GTF2F2: variants seen among roughly 807,000 people sequenced by gnomAD.
The protein encoded by GTF2F2 is general transcription factor IIF subunit 2, also known as ATP-dependent helicase GTF2F2.
In GTF2F2, 23 loss-of-function variants were observed where a neutral mutation model predicts 42.2. The ratio of observed to expected loss-of-function variants is 0.55; its 90% CI spans 0.39 to 0.77. The LOEUF (loss-of-function observed/expected upper bound fraction) is 0.77, where lower values mean the gene tolerates loss of function less well. Ranked by LOEUF, GTF2F2 falls within the 30% of genes least tolerant of loss-of-function variation. The pLI, the probability that GTF2F2 is intolerant of heterozygous loss-of-function variation, is 0.00. For synonymous variants in GTF2F2, 105 were observed against 100.8 expected, an observed-to-expected ratio of 1.04 and a Z score of -0.25; for missense variants, 261 against 287.2, an observed-to-expected ratio of 0.91 and a Z score of 0.66.
At chr13:45,184,386 T>TC (rs1263994115) in intron 4 of GTF2F2, among the ~76,000 whole-genome samples, 2,302 of 147,516 alleles carry the variant, frequency 0.016, 55 homozygotes, top group African/African-American at 0.046. Context: ...TTAACTTTAT[T>TC]CCCCCCCGCC....
intron 6 of GTF2F2, among the ~76,000 whole-genome samples, chr13:45,261,511 T>G (rs1321438434): frequency 6.6e-6 from 1 of 152,068 alleles, no homozygotes; most frequent in Non-Finnish European, 1.5e-5. Context: ...AATTTGTAAC[T>G]GAAGACTAAA....
chr13:45,247,236 C>T (rs1424277177), intron 5 of GTF2F2, among the ~76,000 whole-genome samples: 1 of 149,398 alleles, frequency 6.7e-6, no homozygotes, highest in Non-Finnish European at 1.5e-5. Flanking sequence ...GTGGTGCATG[C>T]CTGTAATCCC....
At chr13:45,212,716 C>T (rs137887763) in intron 5 of GTF2F2, among the ~76,000 whole-genome samples, 77 of 152,018 alleles carry the variant, frequency 5.1e-4, no homozygotes, top group African/African-American at 1.8e-3. Flanking sequence ...CAGGCATCCT[C>T]CAGCACGGCT....
chr13:45,130,728 A>G (rs1257208940), intron 1 of GTF2F2, among the ~76,000 whole-genome samples: 1 of 152,222 alleles, frequency 6.6e-6, no homozygotes, highest in Non-Finnish European at 1.5e-5. Flanking sequence ...GTTGCCTTTT[A>G]TTAAGATACG....
intron 4 of GTF2F2, among the ~76,000 whole-genome samples, chr13:45,168,619 A>G (rs1871417612): frequency 6.6e-6 from 1 of 151,842 alleles, no homozygotes. Flanking sequence ...AACTTTATTT[A>G]TTTATTTTTT....
At chr13:45,139,297 C>T (rs775075957) in intron 2 of GTF2F2, among the ~76,000 whole-genome samples, 1 of 152,070 alleles carries the variant, frequency 6.6e-6, no homozygotes, top group Non-Finnish European at 1.5e-5. Flanking sequence ...AATATGGGCT[C>T]AATAAATGTT....
chr13:45,269,883 G>C (rs535033863), intron 7 of GTF2F2, among the ~76,000 whole-genome samples: 1 of 152,248 alleles, frequency 6.6e-6, no homozygotes, highest in African/African-American at 2.4e-5. Flanking sequence ...CCAGGCTGGA[G>C]TGCAATGGCA....
intron 4 of GTF2F2, among the ~76,000 whole-genome samples, chr13:45,202,385 TCAAAA>T (rs1227802116): frequency 6.6e-6 from 1 of 152,122 alleles, no homozygotes; most frequent in Non-Finnish European, 1.5e-5. Context: ...AGACTCCATC[TCAAAA>T]CAAAACAAAA....
At position 45,147,221 on chromosome 13, in the gene GTF2F2, TAACAATTTAATG is replaced by T. The variant is rs1227285789; in HGVS notation, c.141-2547_141-2536del. 3.3e-5 allele frequency among the ~76,000 whole-genome samples: 5 copies of T among 152,362 alleles called. No individual in the cohort carries two copies. In the Middle Eastern group the frequency reaches 0.01, roughly 311 times the overall value. ...CAGTCATTTCCTCTTCTCTTAGTTT[TAACAATTTAATG>T]ACCTGCTATGTATCTCTTCCTTACG... is the stretch of plus-strand genomic sequence containing the variant. On this transcript the variant is annotated intron_variant, in intron 2 of 7. Transcript: ENST00000340473.
chr13:45,194,260 C>G, intron 4 of GTF2F2: 2 of 1,614,124 alleles, frequency 1.2e-6, no homozygotes, highest in Non-Finnish European at 1.7e-6. Context: ...TTCTCGAAAC[C>G]CTTCGGGCAA....
chr13:45,279,828 C>T (rs1296274329), intron 7 of GTF2F2, among the ~76,000 whole-genome samples: 2 of 152,060 alleles, frequency 1.3e-5, no homozygotes, highest in Admixed American at 6.6e-5. Context: ...TCACTTGAAC[C>T]CAGTAGGCAA....
intron 6 of GTF2F2, among the ~76,000 whole-genome samples, chr13:45,262,083 T>G (rs868263593): frequency 6.6e-6 from 1 of 151,990 alleles, no homozygotes; most frequent in South Asian, 2.1e-4. Flanking sequence ...AAAAAAAAAA[T>G]TTAACTGGCT....
In GTF2F2 at chr13:45,240,101, A is replaced by ATTTTTTTTT. The variant is rs34744288; in HGVS notation, c.387-12752_387-12744dup. On this transcript the variant is annotated intron_variant, in intron 5 of 7. Coordinates refer to ENST00000340473, the MANE Select transcript of GTF2F2 (RefSeq NM_004128.3). ...TCCAATTTCTGTATTATGTAGAGGGATTTTTTTTTTTTTTTTTTTTTTTTT... is the reference window on the plus strand; with the variant it reads ...TCCAATTTCTGTATTATGTAGAGGGATTTTTTTTTTTTTTTTTTTTTTTTTTTTTTTTTT... 3.3e-5 allele frequency among the ~76,000 whole-genome samples: 3 copies of ATTTTTTTTT among 91,104 alleles called. 1 individual carries two copies. The highest frequency in any genetic ancestry group is 1.6e-4 in the African/African-American group (3 of 18,844). 59.8% of individuals were successfully genotyped at this position (91,104 alleles called of 152,430 possible).
In GTF2F2 at chr13:45,208,846, T is replaced by C. The variant is rs114369878; in HGVS notation, c.386+1341T>C. Among the ~76,000 whole-genome samples, 389 of 152,278 alleles carry C rather than the reference T, an allele frequency of 2.6e-3. 1 individual carries two copies. The highest frequency in any genetic ancestry group is 8.9e-3 in the African/African-American group (368 of 41,554). Reference sequence around the variant, plus strand: ...AATGAAAAATATTTATAACAGAAAATAGCTTTGGAAAACAGGCAGAAGATG... The same window carrying C: ...AATGAAAAATATTTATAACAGAAAACAGCTTTGGAAAACAGGCAGAAGATG... On this transcript the variant is annotated intron_variant, in intron 5 of 7. Transcript: ENST00000340473.
At chr13:45,151,859 G>A (rs371562972) in intron 4 of GTF2F2, 28 bp downstream of exon 4, 111 of 978,268 alleles carry the variant, frequency 1.1e-4, no homozygotes, top group Non-Finnish European at 1.4e-4. Context: ...TATTTAATGT[G>A]ATTCCTGTAC....
intron 2 of GTF2F2, among the ~76,000 whole-genome samples, chr13:45,149,222 G>T (rs892457458): frequency 2.6e-5 from 4 of 151,552 alleles, no homozygotes; most frequent in Middle Eastern, 3.4e-3. Flanking sequence ...ATTGTTTGGG[G>T]CCAGGAGTTC....
chr13:45,190,940 TAA>T (rs34236995), intron 4 of GTF2F2, among the ~76,000 whole-genome samples: 76 of 135,328 alleles, frequency 5.6e-4, no homozygotes, highest in African/African-American at 1.9e-3. Context: ...TAATTTTCTT[TAA>T]AAAAAAAAAA....
At chr13:45,244,918 C>G (rs779231257) in intron 5 of GTF2F2, among the ~76,000 whole-genome samples, 2 of 152,176 alleles carry the variant, frequency 1.3e-5, no homozygotes, top group Non-Finnish European at 2.9e-5. Context: ...GTGATTCGGC[C>G]TCCCAAAATG....
chr13:45,229,865 A>T (rs537318630), intron 5 of GTF2F2, among the ~76,000 whole-genome samples: 6 of 152,196 alleles, frequency 3.9e-5, no homozygotes, highest in East Asian at 3.9e-4. Flanking sequence ...TAGAATACAT[A>T]AAAAAATAGA....
Sources: allele counts gnomAD v4.1 joint callset (sites outside exome capture counted in the v4.1 genomes callset), GRCh38; gene constraint gnomAD v4.1.1; transcripts MANE v1.5; gene names NCBI Gene and HGNC (gene_info 2026-07-23, HGNC 2026-07-21).